The following NMRK1 variants were observed in gnomAD, a reference collection of about 807,000 sequenced individuals.
NMRK1 encodes the protein nicotinamide riboside kinase 1, also known as NRK 1.
In NMRK1, 28 loss-of-function variants were observed where a neutral mutation model predicts 29.9. That is an observed-to-expected ratio of 0.94 (90% CI 0.69 to 1.28). The LOEUF is 1.28. NMRK1 is among the 50% of genes most tolerant of loss of function. The pLI is 0.00. For missense variants in NMRK1, 218 were observed against 233.1 expected (o/e 0.94, Z 0.42); for synonymous variants, 58 against 73.0 (o/e 0.79, Z 1.05).
chr9:75,077,404 C>A, intron 3 of NMRK1, 86 bp downstream of exon 3: 2 of 1,074,120 alleles, frequency 1.9e-6, no homozygotes, highest in Admixed American at 1.9e-5. Context: ...AAATCTCTAG[C>A]CAAAGACTTC....
chr9:75,072,841 T>C (rs1350907280), intron 4 of NMRK1, among the ~76,000 whole-genome samples: 1 of 152,172 alleles, frequency 6.6e-6, no homozygotes, highest in Non-Finnish European at 1.5e-5. Context: ...CTGTTTGGGG[T>C]AATATATTCC....
Position 75,069,685 on chromosome 9 carries a change from T to A in NMRK1, c.389+57A>T. ...GCTCAATAATGTTGCTGTCCTCATT[T>A]TTCTTCTACATTTTTTGTTTTGAAT... On this transcript the variant is annotated intron_variant, in intron 6 of 8. Coordinates refer to ENST00000361092, the MANE Select transcript of NMRK1 (RefSeq NM_017881.3). The A allele has an allele frequency of 2.1e-6, 3 of 1,399,354 alleles. 1 individual carries two copies. The South Asian group carries it at 3.5e-5, about 16-fold the overall frequency. 86.7% of individuals were successfully genotyped at this position (1,399,354 alleles called of 1,614,324 possible). A position where few individuals can be genotyped will look rare whatever the true frequency, so the allele number is the denominator to read the frequency against.
At chr9:75,069,284 T>G (rs1823555876) in intron 6 of NMRK1, 182 bp from the exon 7 acceptor site, 2 of 553,590 alleles carry the variant, frequency 3.6e-6, no homozygotes, top group Admixed American at 3.2e-5. Context: ...TTTAGTTCTT[T>G]GATATTAAAA....
At chr9:75,083,176 A>G in intron 1 of NMRK1, 26 bp from the exon 2 acceptor site, 1 of 1,169,962 alleles carries the variant, frequency 8.5e-7, no homozygotes, top group Non-Finnish European at 1.3e-6. Flanking sequence ...CAAACAAACA[A>G]ATCAAATGCA....
chr9:75,061,365 C>A lies in NMRK1; in HGVS notation c.*183G>T. 1.7e-6 allele frequency: 1 copy of A among 605,418 alleles called. No homozygotes were observed. Among genetic ancestry groups the A allele is most frequent in the Non-Finnish European group, 2.9e-6 (1 of 342,332 alleles). The allele number at this position is 605,418 out of a possible 1,614,324, so 37.5% of individuals were successfully genotyped here. On this transcript the variant is annotated 3_prime_UTR_variant, in exon 9 of 9. Coordinates refer to ENST00000361092, the MANE Select transcript of NMRK1 (RefSeq NM_017881.3). ...AGGGAGCAACTTGCTAAGGTACAGTCCTGTCCATTGGCATGGATATTTATT... is the reference window on the plus strand; with the variant it reads ...AGGGAGCAACTTGCTAAGGTACAGTACTGTCCATTGGCATGGATATTTATT...
At chr9:75,072,867 A>G (rs773188729) in intron 4 of NMRK1, among the ~76,000 whole-genome samples, 1 of 152,200 alleles carries the variant, frequency 6.6e-6, no homozygotes, top group Non-Finnish European at 1.5e-5. Flanking sequence ...CTCAAGAAAA[A>G]AAAATATGTA....
chr9:75,061,253 T>C lies in NMRK1; in HGVS notation c.*295A>G, dbSNP rs924308580. The C allele has an allele frequency of 1.4e-5, 5 of 354,130 alleles. No individual in the cohort carries two copies. Among genetic ancestry groups the C allele is most frequent in the Non-Finnish European group, 2.6e-5 (5 of 195,960 alleles). The allele number at this position is 354,130 out of a possible 1,614,324, so 21.9% of individuals were successfully genotyped here. ...ACTCTGAGCTCCAGTTAGAAAAGTT[T>C]GACAATCATTGTTATAGAGCTATGT... is the stretch of plus-strand genomic sequence containing the variant. On this transcript the variant is annotated 3_prime_UTR_variant, in exon 9 of 9. Transcript: ENST00000361092.
intron 2 of NMRK1, among the ~76,000 whole-genome samples, chr9:75,081,219 CA>C (rs1458261396): frequency 2.0e-5 from 3 of 152,178 alleles, no homozygotes; most frequent in Non-Finnish European, 4.4e-5. Context: ...TGGCTAAGTT[CA>C]TAAGATGCAA....
At chr9:75,077,661 G>T in intron 2 of NMRK1, 81 bp from the exon 3 acceptor site, 1 of 978,788 alleles carries the variant, frequency 1.0e-6, no homozygotes, top group Non-Finnish European at 1.6e-6. Flanking sequence ...TGAGAGACAG[G>T]GTCTCGCTGT....
chr9:75,062,655 A>T (rs1022648040), intron 8 of NMRK1, among the ~76,000 whole-genome samples: 12 of 152,228 alleles, frequency 7.9e-5, no homozygotes, highest in Non-Finnish European at 1.8e-4. Flanking sequence ...CAGCAAAAAG[A>T]CTGGATGTGT....
At chr9:75,069,694 C>T (rs749741825) in intron 6 of NMRK1, 48 bp downstream of exon 6, 2 of 1,474,422 alleles carry the variant, frequency 1.4e-6, no homozygotes, top group Non-Finnish European at 1.9e-6. Context: ...TTTTCTTCTA[C>T]ATTTTTTGTT....
chr9:75,079,935 G>A (rs1824222921), intron 2 of NMRK1, among the ~76,000 whole-genome samples: 1 of 152,120 alleles, frequency 6.6e-6, no homozygotes, highest in Non-Finnish European at 1.5e-5. Context: ...AGGATCTGAG[G>A]AAGGAAAAAG....
rs540827941 is a variant in NMRK1 at position 75,069,183 on chromosome 9, G to A, written c.390-81C>T. 1.0e-4 allele frequency: 103 copies of A among 982,514 alleles called. No individual in the cohort carries two copies. The East Asian group carries it at 1.9e-3, about 18-fold the overall frequency. 60.9% of individuals were successfully genotyped at this position (982,514 alleles called of 1,614,324 possible). ...AAATATGAATGGTCAGGATAATGGG[G>A]AAATCACTCAGAGGCTGAATCTAAA... On this transcript the variant is annotated intron_variant, in intron 6 of 8. Transcript: ENST00000361092.
At chr9:75,085,540 G>T (rs970523081) in intron 1 of NMRK1, among the ~76,000 whole-genome samples, 1 of 120,180 alleles carries the variant, frequency 8.3e-6, no homozygotes. Flanking sequence ...ACTGGTCCCC[G>T]TCCTAAACTG....
At chr9:75,077,287 C>A in intron 3 of NMRK1, 80 bp from the exon 4 acceptor site, 2 of 1,038,136 alleles carry the variant, frequency 1.9e-6, no homozygotes, top group South Asian at 1.4e-5. Context: ...GGAGAGAAGT[C>A]TTTAATAAAT....
intron 4 of NMRK1, among the ~76,000 whole-genome samples, chr9:75,072,788 A>G (rs940531178): frequency 1.3e-5 from 2 of 152,242 alleles, no homozygotes; most frequent in African/African-American, 4.8e-5. Flanking sequence ...TCTTCAATCC[A>G]TAAAATGTAT....
At chr9:75,081,855 C>T (rs1042994748) in intron 2 of NMRK1, among the ~76,000 whole-genome samples, 1 of 152,162 alleles carries the variant, frequency 6.6e-6, no homozygotes, top group Non-Finnish European at 1.5e-5. Context: ...CAGTGACAGG[C>T]TATGAAGAAA....
chr9:75,065,920 CT>C, intron 8 of NMRK1, among the ~76,000 whole-genome samples: 2 of 152,306 alleles, frequency 1.3e-5, no homozygotes, highest in African/African-American at 4.8e-5. Context: ...AAAAAGATAT[CT>C]TTTTACCCTG....
At chr9:75,070,503 A>T (rs1188238828) in intron 4 of NMRK1, among the ~76,000 whole-genome samples, 1 of 152,236 alleles carries the variant, frequency 6.6e-6, no homozygotes, top group Non-Finnish European at 1.5e-5. Context: ...TTCTAGATAA[A>T]TAACTAAAAG....
Sources: allele counts gnomAD v4.1 joint callset (sites outside exome capture counted in the v4.1 genomes callset), GRCh38; gene constraint gnomAD v4.1.1; transcripts MANE v1.5; gene names NCBI Gene and HGNC (gene_info 2026-07-23, HGNC 2026-07-21).